The following GRM1 variants were observed in gnomAD, a reference collection of about 807,000 sequenced individuals.
GRM1 encodes glutamate metabotropic receptor 1.
Under a neutral mutation model 90.9 loss-of-function variants are expected in GRM1, and 33 were observed. That is an observed-to-expected ratio of 0.36 (90% CI 0.28 to 0.49). GRM1 has a LOEUF of 0.49. Among genes scored for constraint, GRM1 ranks in the 20% least tolerant of loss-of-function variants. The probability of loss-of-function intolerance (pLI) is 0.99; values close to 1 mark genes in which losing one functional copy is unlikely to be tolerated. For missense variants in GRM1, 1,190 were observed against 1,534.3 expected (o/e 0.78, Z 3.75); for synonymous variants, 700 against 613.2 (o/e 1.14, Z -2.09).
At position 146,202,994 on chromosome 6, in the gene GRM1, GAC is replaced by G. The variant is rs1473770960; in HGVS notation, c.950+43399_950+43400del. 3.9e-5 allele frequency among the ~76,000 whole-genome samples: 6 copies of G among 151,922 alleles called. No individual in the cohort carries two copies. In the East Asian group the frequency reaches 1.2e-3, roughly 29 times the overall value. On this transcript the variant is annotated intron_variant, in intron 2 of 7. Transcript: ENST00000282753. The stretch of plus-strand genomic sequence containing the variant: ...GCGGATCACGAGGTCAGGAGAGAGA[GAC>G]AATCCTGGCTAACACGGTGAAACCC...
intron 7 of GRM1, among the ~76,000 whole-genome samples, chr6:146,417,549 C>T (rs998427825): frequency 6.6e-6 from 1 of 152,168 alleles, no homozygotes; most frequent in African/African-American, 2.4e-5. Flanking sequence ...TTATTCAGTT[C>T]TGTTTCAGGT....
chr6:146,064,492 CAT>C (rs1775777557), intron 1 of GRM1, among the ~76,000 whole-genome samples: 2 of 152,254 alleles, frequency 1.3e-5, no homozygotes, highest in South Asian at 4.1e-4. Flanking sequence ...AATATTAAAA[CAT>C]ATGACAACAT....
chr6:146,223,936 C>G (rs1232587135), intron 2 of GRM1, among the ~76,000 whole-genome samples: 1 of 151,936 alleles, frequency 6.6e-6, no homozygotes, highest in South Asian at 2.1e-4. Flanking sequence ...TAACATTGTT[C>G]CTTAGAGCCC....
At chr6:146,171,246 A>G (rs373333604) in intron 2 of GRM1, 3 of 152,186 alleles carry the variant, frequency 2.0e-5, no homozygotes, top group African/African-American at 7.2e-5. Flanking sequence ...AATTACCACA[A>G]CGTTAATGAC....
Position 146,205,600 on chromosome 6 carries a change from G to A in GRM1, c.950+46003G>A, listed in dbSNP as rs189937054. Among the ~76,000 whole-genome samples the A allele has an allele frequency of 2.0e-3, 303 of 152,296 alleles. 2 individuals carry two copies. The highest frequency in any genetic ancestry group is 3.4e-3 in the Middle Eastern group (1 of 294). ...GAACCTGAATTGTTATCATAACAAT[G>A]CAGCATATTCTTCTGTCTAAGGAGG... On this transcript the variant is annotated intron_variant, in intron 2 of 7. Coordinates refer to ENST00000282753, the MANE Select transcript of GRM1 (RefSeq NM_001278064.2).
intron 2 of GRM1, among the ~76,000 whole-genome samples, chr6:146,226,041 A>T (rs972897460): frequency 2.0e-5 from 3 of 152,146 alleles, no homozygotes; most frequent in Non-Finnish European, 4.4e-5. Flanking sequence ...AGTGTGAAAG[A>T]ATGACTCTAT....
intron 1 of GRM1, among the ~76,000 whole-genome samples, chr6:146,154,797 T>C (rs1583081066): frequency 6.6e-6 from 1 of 152,344 alleles, no homozygotes; most frequent in Non-Finnish European, 1.5e-5. Context: ...TGCCAAATTG[T>C]GCACCAAAAG....
intron 7 of GRM1, among the ~76,000 whole-genome samples, chr6:146,432,234 T>C (rs1016284416): frequency 6.6e-6 from 1 of 152,216 alleles, no homozygotes; most frequent in Admixed American, 6.5e-5. Context: ...GTATCAGATA[T>C]ATGGAGGAAC....
At chr6:146,093,020 T>G (rs2128868009) in intron 1 of GRM1, among the ~76,000 whole-genome samples, 1 of 152,254 alleles carries the variant, frequency 6.6e-6, no homozygotes. Context: ...TGAGCAGGAC[T>G]AGAATTTTCC....
chr6:146,200,945 A>C (rs962297274), intron 2 of GRM1, among the ~76,000 whole-genome samples: 5 of 152,028 alleles, frequency 3.3e-5, no homozygotes, highest in African/African-American at 1.2e-4. Context: ...TGCTCTGCTC[A>C]TTTCTTGGCT....
chr6:146,349,044 CTAT>C (rs71028388), intron 3 of GRM1, among the ~76,000 whole-genome samples: 27,118 of 141,340 alleles, frequency 0.19, 2,697 homozygotes, highest in Admixed American at 0.27. Context: ...GAAGTGGTAG[CTAT>C]TATTATTATT....
intron 2 of GRM1, among the ~76,000 whole-genome samples, chr6:146,264,530 T>G (rs376216654): frequency 2.2e-4 from 34 of 152,162 alleles, no homozygotes; most frequent in South Asian, 1.0e-3. Flanking sequence ...TTTTGTTTTT[T>G]TTTTAGATTC....
intron 2 of GRM1, among the ~76,000 whole-genome samples, chr6:146,228,608 A>G (rs17075798): frequency 0.019 from 2,931 of 152,250 alleles, 39 homozygotes; most frequent in Admixed American, 0.028. Context: ...TAGTGCAATG[A>G]CAGTTGTAAC....
chr6:146,400,369 A>G (rs1265498128), intron 7 of GRM1, among the ~76,000 whole-genome samples: 1 of 152,160 alleles, frequency 6.6e-6, no homozygotes, highest in African/African-American at 2.4e-5. Flanking sequence ...CAAAGTCATG[A>G]TCAGAATAGT....
chr6:146,386,837 G>A (rs1343088680), intron 5 of GRM1, 53 bp from the exon 6 acceptor site: 12 of 1,432,072 alleles, frequency 8.4e-6, no homozygotes, highest in Non-Finnish European at 1.1e-5. Flanking sequence ...ATCTGAAATA[G>A]AAGCTTTTCT....
chr6:146,167,850 TG>T (rs1165684608), intron 2 of GRM1, among the ~76,000 whole-genome samples: 3 of 152,138 alleles, frequency 2.0e-5, no homozygotes, highest in Non-Finnish European at 2.9e-5. Flanking sequence ...ATTTGTATTC[TG>T]CTGAGTGTCT....
intron 3 of GRM1, among the ~76,000 whole-genome samples, chr6:146,312,349 CAAAAAAA>C (rs1166008558): frequency 0.011 from 224 of 21,316 alleles, no homozygotes; most frequent in Non-Finnish European, 0.015. Context: ...AACTCCGTCT[CAAAAAAA>C]AAAAAAAAAA....
At chr6:146,124,341 A>C (rs1469392700) in intron 1 of GRM1, among the ~76,000 whole-genome samples, 8 of 152,204 alleles carry the variant, frequency 5.3e-5, no homozygotes, top group Non-Finnish European at 8.8e-5. Flanking sequence ...TAATTCAGTA[A>C]TAATTTCTTC....
chr6:146,191,771 G>T (rs1182835560), intron 2 of GRM1, among the ~76,000 whole-genome samples: 1 of 151,274 alleles, frequency 6.6e-6, no homozygotes, highest in East Asian at 1.9e-4. Flanking sequence ...GATCTTTTCT[G>T]TTTCCTTTCT....
Sources: allele counts gnomAD v4.1 joint callset (sites outside exome capture counted in the v4.1 genomes callset), GRCh38; gene constraint gnomAD v4.1.1; transcripts MANE v1.5; gene names NCBI Gene and HGNC (gene_info 2026-07-23, HGNC 2026-07-21).